VSNL1: variants seen among roughly 807,000 people sequenced by gnomAD.
VSNL1 encodes visinin like 1.
VSNL1 carries 6 observed loss-of-function variants against 20.4 expected under a neutral mutation model. The ratio of observed to expected loss-of-function variants is 0.29; its 90% CI spans 0.16 to 0.58. The LOEUF (loss-of-function observed/expected upper bound fraction) is 0.58, where lower values mean the gene tolerates loss of function less well. Ranked by LOEUF, VSNL1 falls within the 20% of genes least tolerant of loss-of-function variation. VSNL1 has a pLI of 0.90. For synonymous variants in VSNL1, 93 were observed against 86.4 expected (o/e 1.08, Z -0.42); for missense variants, 100 against 234.5 (o/e 0.43, Z 3.75).
chr2:17,632,212 A>G (rs1014932444), intron 2 of VSNL1, among the ~76,000 whole-genome samples: 1 of 152,128 alleles, frequency 6.6e-6, no homozygotes, highest in African/African-American at 2.4e-5. Context: ...CCCCAGTGTG[A>G]GAAACTTTGT....
chr2:17,575,198 A>G (rs1664178720), intron 1 of VSNL1, among the ~76,000 whole-genome samples: 1 of 152,226 alleles, frequency 6.6e-6, no homozygotes, highest in Admixed American at 6.5e-5. Flanking sequence ...CTGGGAAGGT[A>G]GAAATGCAGG....
chr2:17,643,145 G>A (rs146031295), intron 2 of VSNL1, among the ~76,000 whole-genome samples: 13 of 152,272 alleles, frequency 8.5e-5, no homozygotes, highest in African/African-American at 2.9e-4. Flanking sequence ...CTTCTTATGC[G>A]TGGTTGCCTC....
chr2:17,599,607 C>G (rs940138902), intron 2 of VSNL1, among the ~76,000 whole-genome samples: 1 of 152,200 alleles, frequency 6.6e-6, no homozygotes, highest in Non-Finnish European at 1.5e-5. Context: ...CCTCTTTTCT[C>G]TCTTGTTCTC....
rs1485286199 is a variant in VSNL1 at position 17,634,504 on chromosome 2, A to G, written c.163-14906A>G. On this transcript the variant is annotated intron_variant, in intron 2 of 3. Transcript: ENST00000295156. This position sits in a 1 kb window ranked among gnomAD's most constrained non-coding sequence, Gnocchi z 4.3. ...GTCCAGGGAAGAAGCAAGAAATAAA[A>G]AGGCAATGTGTGACATTTCCCAAGG... Among the ~76,000 whole-genome samples, 3 of 152,146 alleles carry G rather than the reference A, an allele frequency of 2.0e-5. No individual in the cohort carries two copies. The highest frequency in any genetic ancestry group is 4.8e-5 in the African/African-American group (2 of 41,422).
chr2:17,545,473 A>G (rs1387054312), intron 1 of VSNL1, among the ~76,000 whole-genome samples: 2 of 152,166 alleles, frequency 1.3e-5, no homozygotes, highest in African/African-American at 2.4e-5. Flanking sequence ...AAGAATATTG[A>G]TAAGTAAAAG....
At chr2:17,572,251 A>G (rs1664101423) in intron 1 of VSNL1, among the ~76,000 whole-genome samples, 1 of 152,216 alleles carries the variant, frequency 6.6e-6, no homozygotes, top group Non-Finnish European at 1.5e-5. Flanking sequence ...TAGAAACTAG[A>G]TAGCAAGTGG....
chr2:17,561,760 C>T (rs1663820869), intron 1 of VSNL1, among the ~76,000 whole-genome samples: 1 of 151,876 alleles, frequency 6.6e-6, no homozygotes, highest in Non-Finnish European at 1.5e-5. Flanking sequence ...CATCGGGGAG[C>T]GTGGCTGTGT....
At position 17,655,499 on chromosome 2, in the gene VSNL1, A is replaced by G; in HGVS notation, c.*105A>G. ...CACACACACACACACACACACACAC[A>G]CAAATATTGCTTGGACTACCTATAA... On this transcript the variant is annotated 3_prime_UTR_variant, in exon 4 of 4. Transcript: ENST00000295156. The surrounding 1 kb of genome is among the most constrained non-coding windows in gnomAD (Gnocchi z 5.2). The G allele has an allele frequency of 9.3e-7, 1 of 1,079,420 alleles. No individual in the cohort carries two copies. The highest frequency in any genetic ancestry group is 1.6e-5 in the South Asian group (1 of 63,790). The allele number at this position is 1,079,420 out of a possible 1,614,324, so 66.9% of individuals were successfully genotyped here. A position where few individuals can be genotyped will look rare whatever the true frequency, so the allele number is the denominator to read the frequency against.
chr2:17,649,293 A>G lies in VSNL1; in HGVS notation c.163-117A>G. ...TGACAGTCAGGCCAAACTGCTCTCC[A>G]ATGGGTGAGGCTCCGACAACGCCCA... On this transcript the variant is annotated intron_variant, in intron 2 of 3. Coordinates refer to ENST00000295156, the MANE Select transcript of VSNL1 (RefSeq NM_003385.5). This position sits in a 1 kb window ranked among gnomAD's most constrained non-coding sequence, Gnocchi z 6.4. The G allele has an allele frequency of 2.0e-6, 2 of 1,008,342 alleles. No homozygotes were observed. The highest frequency in any genetic ancestry group is 2.9e-5 in the South Asian group (2 of 68,464). 62.5% of individuals were successfully genotyped at this position (1,008,342 alleles called of 1,614,324 possible).
At position 17,656,023 on chromosome 2, in the gene VSNL1, A is replaced by G. The variant is rs1572228461; in HGVS notation, c.*629A>G. 1 of 152,818 alleles carries G rather than the reference A, an allele frequency of 6.5e-6. No homozygotes were observed. Among genetic ancestry groups the G allele is most frequent in the East Asian group, 1.9e-4 (1 of 5,192 alleles). The allele number at this position is 152,818 out of a possible 1,614,324, so 9.5% of individuals were successfully genotyped here. ...CAGTATAAAATGTAAAAACCCTGCT[A>G]AATGACTTATTGATTAAGTATATCT... On this transcript the variant is annotated 3_prime_UTR_variant, in exon 4 of 4. Transcript: ENST00000295156.
At chr2:17,576,257 T>G (rs567866655) in intron 1 of VSNL1, among the ~76,000 whole-genome samples, 336 of 152,338 alleles carry the variant, frequency 2.2e-3, no homozygotes, top group African/African-American at 7.5e-3. Context: ...CAACATTGCA[T>G]TCACAATTTT....
chr2:17,575,153 C>T (rs1397769042), intron 1 of VSNL1, among the ~76,000 whole-genome samples: 5 of 151,986 alleles, frequency 3.3e-5, no homozygotes, highest in Non-Finnish European at 7.4e-5. Context: ...AGGAGATGGC[C>T]AAGAGCTGAA....
At position 17,592,664 on chromosome 2, in the gene VSNL1, T is replaced by C. The variant is rs967873121; in HGVS notation, c.162+428T>C. Among the ~76,000 whole-genome samples the C allele has an allele frequency of 8.3e-4, 108 of 130,574 alleles. 3 individuals carry two copies. Among genetic ancestry groups the C allele is most frequent in the African/African-American group, 2.8e-3 (95 of 34,312 alleles). The allele number at this position is 130,574 out of a possible 152,430, so 85.7% of individuals were successfully genotyped here. On this transcript the variant is annotated intron_variant, in intron 2 of 3. Coordinates refer to ENST00000295156, the MANE Select transcript of VSNL1 (RefSeq NM_003385.5). ...TCTTTTTTTTTTTTTTTTTTTTTTT[T>C]TTTTTTTTTTTTTTTACCAGAAAAG...
intron 2 of VSNL1, among the ~76,000 whole-genome samples, chr2:17,626,228 C>T (rs745588236): frequency 3.9e-5 from 6 of 152,228 alleles, no homozygotes; most frequent in Non-Finnish European, 5.9e-5. Context: ...ACTATCATGT[C>T]TCTGCAGCAC....
intron 2 of VSNL1, among the ~76,000 whole-genome samples, chr2:17,648,876 C>A (rs531658134): frequency 6.6e-6 from 1 of 152,314 alleles, no homozygotes; most frequent in Non-Finnish European, 1.5e-5. Context: ...AGAAAAGTCC[C>A]TGCAAAAAGA....
chr2:17,540,720 G>T lies in VSNL1; in HGVS notation c.-204G>T, dbSNP rs1663264314. 6.5e-6 allele frequency: 1 copy of T among 152,722 alleles called. No individual in the cohort carries two copies. 9.5% of individuals were successfully genotyped at this position (152,722 alleles called of 1,614,324 possible). Reference sequence around the variant, plus strand: ...CAATCTGCAGCAGAGATTTACCCGAGCGTGTTGCGGCAGCGGCTGGGCTTG... The same window carrying T: ...CAATCTGCAGCAGAGATTTACCCGATCGTGTTGCGGCAGCGGCTGGGCTTG... On this transcript the variant is annotated 5_prime_UTR_variant, in exon 1 of 4. Coordinates refer to ENST00000295156, the MANE Select transcript of VSNL1 (RefSeq NM_003385.5).
intron 1 of VSNL1, among the ~76,000 whole-genome samples, chr2:17,584,222 C>A (rs1436410256): frequency 1.3e-5 from 2 of 149,662 alleles, no homozygotes; most frequent in Non-Finnish European, 3.0e-5. Flanking sequence ...GACATCAGAA[C>A]CTGACAAAAA....
intron 2 of VSNL1, among the ~76,000 whole-genome samples, chr2:17,633,064 C>T (rs1161152241): frequency 6.6e-6 from 1 of 152,186 alleles, no homozygotes; most frequent in Non-Finnish European, 1.5e-5. Flanking sequence ...TTAATTGACT[C>T]ACAGTGCCAC....
At chr2:17,585,392 A>C (rs1572348053) in intron 1 of VSNL1, among the ~76,000 whole-genome samples, 3 of 151,950 alleles carry the variant, frequency 2.0e-5, no homozygotes, top group African/African-American at 7.2e-5. Flanking sequence ...TAAAAAAAAA[A>C]AAAACATACA....
Sources: allele counts gnomAD v4.1 joint callset (sites outside exome capture counted in the v4.1 genomes callset), GRCh38; gene constraint gnomAD v4.1.1; non-coding constraint Gnocchi (gnomAD v3.1); transcripts MANE v1.5; gene names NCBI Gene and HGNC (gene_info 2026-07-23, HGNC 2026-07-21).